Variants in SAMD12 observed in about 807,000 individuals in gnomAD.
SAMD12 encodes the protein sterile alpha motif domain-containing protein 12.
SAMD12 carries 9 observed loss-of-function variants against 15.0 expected under a neutral mutation model. The ratio of observed to expected loss-of-function variants is 0.60; its 90% CI spans 0.36 to 1.05. SAMD12 has a LOEUF of 1.05. SAMD12 is among the 50% of genes least tolerant of loss of function. The probability of loss-of-function intolerance (pLI) is 0.01; values close to 1 mark genes in which losing one functional copy is unlikely to be tolerated. For synonymous variants in SAMD12, 86 were observed against 90.1 expected, an observed-to-expected ratio of 0.96 and a Z score of 0.25; for missense variants, 230 against 234.2, an observed-to-expected ratio of 0.98 and a Z score of 0.12.
chr8:118,498,067 G>A (rs867376130), intron 2 of SAMD12, among the ~76,000 whole-genome samples: 1 of 152,144 alleles, frequency 6.6e-6, no homozygotes, highest in Admixed American at 6.5e-5. Context: ...GATAATTAAC[G>A]AACTGAAACA....
chr8:118,165,605 T>C, the SAMD12 span, among the ~76,000 whole-genome samples: 1 of 15,684 alleles, frequency 6.4e-5, no homozygotes, highest in Non-Finnish European at 1.9e-4. Flanking sequence ...CATATATACA[T>C]ATATATATGT....
At chr8:118,557,130 A>G (rs1249227551) in intron 2 of SAMD12, among the ~76,000 whole-genome samples, 1 of 152,116 alleles carries the variant, frequency 6.6e-6, no homozygotes, top group African/African-American at 2.4e-5. Flanking sequence ...TAATCCCTAC[A>G]TGTCAAGGGA....
At chr8:118,191,799 TATATATATATATAGAGAGAGAG>T (rs1563686582) in exon 5 of SAMD12, 7 of 42,146 alleles carry the variant, frequency 1.7e-4, no homozygotes, top group Non-Finnish European at 2.2e-4. Context: ...TATATATATA[TATATATATATATAGAGAGAGAG>T]AGAGAGAGAG....
chr8:118,534,511 T>C (rs953825347), intron 2 of SAMD12, among the ~76,000 whole-genome samples: 1 of 152,236 alleles, frequency 6.6e-6, no homozygotes, highest in Non-Finnish European at 1.5e-5. Context: ...TTGGGGAAGT[T>C]CTCCTGGATA....
intron 2 of SAMD12, among the ~76,000 whole-genome samples, chr8:118,551,001 C>A (rs1252990462): frequency 1.3e-5 from 2 of 151,722 alleles, no homozygotes; most frequent in Non-Finnish European, 2.9e-5. Flanking sequence ...TATATGCACC[C>A]AATACAGGAG....
chr8:118,449,336 C>T (rs1190635819), intron 2 of SAMD12, among the ~76,000 whole-genome samples: 1 of 150,618 alleles, frequency 6.6e-6, no homozygotes, highest in Non-Finnish European at 1.5e-5. Context: ...GCTGGGATTA[C>T]AGGTGTGAGC....
chr8:118,189,946 G>GAAAAAAAAAA (rs895075538), exon 5 of SAMD12: 1 of 69,056 alleles, frequency 1.4e-5, no homozygotes. Flanking sequence ...ATGCACAGAG[G>GAAAAAAAAAA]AAAAAAAAAA....
chr8:118,332,103 G>A (rs1295751353), intron 4 of SAMD12, among the ~76,000 whole-genome samples: 1 of 152,086 alleles, frequency 6.6e-6, no homozygotes, highest in Non-Finnish European at 1.5e-5. Context: ...TCAAAAAAAA[G>A]GGGGACAAAG....
intron 4 of SAMD12, among the ~76,000 whole-genome samples, chr8:118,290,536 A>T (rs2130245924): frequency 6.6e-6 from 1 of 152,328 alleles, no homozygotes; most frequent in African/African-American, 2.4e-5. Flanking sequence ...ATATTAACCC[A>T]TAATATGATT....
the SAMD12 span, among the ~76,000 whole-genome samples, chr8:118,170,970 A>G: frequency 6.6e-6 from 1 of 152,212 alleles, no homozygotes; most frequent in East Asian, 1.9e-4. Context: ...AATTCTGACT[A>G]CTCAATAAAA....
the SAMD12 span, among the ~76,000 whole-genome samples, chr8:118,174,161 C>A: frequency 1.3e-5 from 2 of 152,112 alleles, no homozygotes; most frequent in Admixed American, 1.3e-4. Context: ...TTTTACCTAT[C>A]CTGTGGGATT....
At chr8:118,321,178 T>C (rs1450880615) in intron 4 of SAMD12, among the ~76,000 whole-genome samples, 10 of 106,950 alleles carry the variant, frequency 9.4e-5, no homozygotes, top group African/African-American at 3.7e-4. Context: ...TATATATATA[T>C]ATATATATTC....
intron 4 of SAMD12, among the ~76,000 whole-genome samples, chr8:118,367,792 A>C (rs1818875001): frequency 6.6e-6 from 1 of 152,178 alleles, no homozygotes. Flanking sequence ...TAGACAAATA[A>C]TGTGTAGACA....
At chr8:118,321,296 TTTTTTTTTTTTTTGG>T (rs1298997536) in intron 4 of SAMD12, among the ~76,000 whole-genome samples, 754 of 66,198 alleles carry the variant, frequency 0.011, 18 homozygotes, top group African/African-American at 0.081. Flanking sequence ...TTTTTTTTTG[TTTTTTTTTTTTTTGG>T]TTTTTTTTTA....
chr8:118,570,912 C>A (rs1396480563), intron 2 of SAMD12, among the ~76,000 whole-genome samples: 1 of 152,144 alleles, frequency 6.6e-6, no homozygotes, highest in Non-Finnish European at 1.5e-5. Context: ...AGTTCCCCTG[C>A]ACAAGCTCTC....
At chr8:118,555,095 AC>A (rs1320064939) in intron 2 of SAMD12, among the ~76,000 whole-genome samples, 4 of 152,166 alleles carry the variant, frequency 2.6e-5, no homozygotes, top group African/African-American at 9.7e-5. Flanking sequence ...TAATTCAACA[AC>A]CACAAAAGGG....
At chr8:118,265,840 CAT>C (rs1813183221) in intron 4 of SAMD12, among the ~76,000 whole-genome samples, 2 of 151,354 alleles carry the variant, frequency 1.3e-5, no homozygotes, top group African/African-American at 4.9e-5. Context: ...TTAAAAGTCA[CAT>C]GATTGAAAAA....
intron 4 of SAMD12, among the ~76,000 whole-genome samples, chr8:118,322,720 T>C (rs1816347237): frequency 6.6e-6 from 1 of 152,192 alleles, no homozygotes; most frequent in Non-Finnish European, 1.5e-5. Context: ...GCCAGTATTT[T>C]ACTATCCAAG....
At chr8:118,181,559 G>C in the SAMD12 span, among the ~76,000 whole-genome samples, 2 of 152,212 alleles carry the variant, frequency 1.3e-5, no homozygotes, top group African/African-American at 4.8e-5. Flanking sequence ...TTCAGGACAG[G>C]TGGATGTCAT....
Sources: gnomAD v4.1 joint callset for allele counts (sites outside exome capture counted in the v4.1 genomes callset) on GRCh38, gnomAD v4.1.1 for gene constraint, MANE v1.5 for transcripts, NCBI Gene and HGNC (gene_info 2026-07-23, HGNC 2026-07-21) for gene names.